LMTK3: variants seen among roughly 807,000 people sequenced by gnomAD.
The protein encoded by LMTK3 is lemur tail kinase 3.
Under a neutral mutation model 116.7 loss-of-function variants are expected in LMTK3, and 27 were observed. The observed-to-expected ratio is 0.23, with a 90% CI of 0.17 to 0.32. LMTK3 has a LOEUF of 0.32. LMTK3 is among the 10% of genes least tolerant of loss of function. The pLI is 1.00. For synonymous variants in LMTK3, 965 were observed against 971.0 expected, an observed-to-expected ratio of 0.99 and a Z score of 0.11; for missense variants, 1,764 against 2,068.5, an observed-to-expected ratio of 0.85 and a Z score of 2.86.
chr19:48,503,093 T>G (rs1972502276), intron 5 of LMTK3, 97 bp from the exon 6 acceptor site: 1 of 741,750 alleles, frequency 1.3e-6, no homozygotes, highest in East Asian at 2.7e-5. Context: ...TCCACCCTTT[T>G]TTGTTGTTTT....
chr19:48,491,551 G>A lies in LMTK3; in HGVS notation c.4093-12C>T, dbSNP rs770157241. ...TTGGTTGGCGTCTCCTGTGAAGGCA[G>A]ATTAGGGGGAAGCCAGAGGGGACAA... On this transcript the variant is annotated splice_polypyrimidine_tract_variant and intron_variant, in intron 12 of 14. Transcript: ENST00000600059. This position sits in a 1 kb window ranked among gnomAD's most constrained non-coding sequence, Gnocchi z 5.1. The A allele has an allele frequency of 7.3e-7, 1 of 1,362,496 alleles. No homozygotes were observed. Among genetic ancestry groups the A allele is most frequent in the Non-Finnish European group, 9.5e-7 (1 of 1,050,230 alleles). 84.4% of individuals were successfully genotyped at this position (1,362,496 alleles called of 1,614,324 possible).
chr19:48,490,340 A>G (rs1212117061), intron 14 of LMTK3, among the ~76,000 whole-genome samples: 1 of 152,038 alleles, frequency 6.6e-6, no homozygotes, highest in Non-Finnish European at 1.5e-5. Context: ...CCTGGCCAAC[A>G]TGGTGAAACC....
In LMTK3 at chr19:48,499,308, G is replaced by A. The variant is rs1408127136; in HGVS notation, c.1761C>T (p.Pro587=). The part of the protein sequence containing the change: ...PQLVSETWAS[P]LFPAPRPFPA... ...GGAAGGGCCGGGGCGCAGGGAAGAGGGGGGAGGCCCAGGTCTCGGACACCA... is the reference window on the plus strand; with the variant it reads ...GGAAGGGCCGGGGCGCAGGGAAGAGAGGGGAGGCCCAGGTCTCGGACACCA... The change falls in exon 11 of 15, where the codon CCC becomes CCT. Residue 587 remains proline (P), a synonymous_variant. Coordinates refer to ENST00000600059, the MANE Select transcript of LMTK3 (RefSeq NM_001388485.1). The A allele has an allele frequency of 7.0e-7, 1 of 1,418,720 alleles. No individual in the cohort carries two copies. Among genetic ancestry groups the A allele is most frequent in the Non-Finnish European group, 9.2e-7 (1 of 1,085,024 alleles). The allele number at this position is 1,418,720 out of a possible 1,614,324, so 87.9% of individuals were successfully genotyped here. A position where few individuals can be genotyped will look rare whatever the true frequency, so the allele number is the denominator to read the frequency against.
chr19:48,498,720 G>C lies in LMTK3; in HGVS notation c.2349C>G (p.Leu783=). 6.5e-7 allele frequency: 1 copy of C among 1,532,800 alleles called. No homozygotes were observed. The highest frequency in any genetic ancestry group is 8.7e-7 in the Non-Finnish European group (1 of 1,145,230). The allele number at this position is 1,532,800 out of a possible 1,614,324, so 94.9% of individuals were successfully genotyped here. A position where few individuals can be genotyped will look rare whatever the true frequency, so the allele number is the denominator to read the frequency against. The stretch of plus-strand genomic sequence containing the variant: ...CCCCCGGCTTGGGGCCCGGCGACGA[G>C]AGGCCTGAACCGGGACTGGCCACGG... ...PSAVASPGSG[L]SSPGPKPGDS... is the part of the protein sequence containing the mutation. Residue 783 remains leucine (L), a synonymous_variant, in exon 11 of 15, where the codon CTC becomes CTG. Coordinates refer to ENST00000600059, the MANE Select transcript of LMTK3 (RefSeq NM_001388485.1).
rs953208123 is a variant in LMTK3, at chr19:48,491,477, C to G, written c.4155G>C (p.Thr1385=). The stretch of plus-strand genomic sequence containing the variant: ...GGGGAGGTGTCGGGGGCGCTGGAGG[C>G]GTTGACGGGTCCGTGTCCCCCTCGG... The part of the protein sequence containing the change: ...APPEGDTDPS[T]PPAPPTPPHP... The change falls in exon 13 of 15, where the codon ACG becomes ACC. Residue 1385 remains threonine (T), a synonymous_variant. Transcript: ENST00000600059. This position sits in a 1 kb window ranked among gnomAD's most constrained non-coding sequence, Gnocchi z 5.1. The G allele has an allele frequency of 1.4e-6, 2 of 1,416,664 alleles. No homozygotes were observed. Among genetic ancestry groups the G allele is most frequent in the East Asian group, 2.9e-5 (1 of 34,662 alleles). 87.8% of individuals were successfully genotyped at this position (1,416,664 alleles called of 1,614,324 possible). A position where few individuals can be genotyped will look rare whatever the true frequency, so the allele number is the denominator to read the frequency against.
intron 5 of LMTK3, 43 bp downstream of exon 5, chr19:48,508,808 G>A (rs762296710): frequency 1.7e-5 from 25 of 1,436,550 alleles, no homozygotes; most frequent in Non-Finnish European, 2.3e-5. Context: ...ACTCCTGAAT[G>A]TCACCTCAAC....
chr19:48,499,556 C>T lies in LMTK3; in HGVS notation c.1513G>A (p.Ala505Thr). 1 of 1,485,618 alleles carries T rather than the reference C, an allele frequency of 6.7e-7. No individual in the cohort carries two copies. Among genetic ancestry groups the T allele is most frequent in the Non-Finnish European group, 9.0e-7 (1 of 1,114,414 alleles). The allele number at this position is 1,485,618 out of a possible 1,614,324, so 92.0% of individuals were successfully genotyped here. A position where few individuals can be genotyped will look rare whatever the true frequency, so the allele number is the denominator to read the frequency against. The change falls in exon 11 of 15, where the codon GCC becomes ACC. Residue 505 changes from alanine (A) to threonine (T), a missense_variant. Physicochemically the swap from Ala to Thr is moderately conservative, Grantham distance 58. This residue lies in a region of LMTK3 where 1,028 missense variants were observed against 1,050.6 expected (regional missense o/e 0.98). Coordinates refer to ENST00000600059, the MANE Select transcript of LMTK3 (RefSeq NM_001388485.1). ...PAWQPASAPP[A>T]PHANPSNPFY... Reference sequence around the variant, plus strand: ...GGGTTGGAGGGGTTGGCGTGGGGGGCCGGGGGGGCCGACGCCGGCTGCCAG... The same window carrying T: ...GGGTTGGAGGGGTTGGCGTGGGGGGTCGGGGGGGCCGACGCCGGCTGCCAG...
In LMTK3 at chr19:48,497,436, G is replaced by A; in HGVS notation, c.3633C>T (p.Phe1211=). ...ERKGPEMPRL[F]LDLGPPQGNS... ...TCCCCTGAGGGGGTCCCAAGTCCAA[G>A]AATAGTCGTGGCATCTCGGGGCCCT... The change falls in exon 11 of 15, where the codon TTC becomes TTT. Residue 1211 remains phenylalanine, a synonymous_variant. Coordinates refer to ENST00000600059, the MANE Select transcript of LMTK3 (RefSeq NM_001388485.1). This position sits in a 1 kb window ranked among gnomAD's most constrained non-coding sequence, Gnocchi z 5.7. The A allele has an allele frequency of 6.5e-7, 1 of 1,538,238 alleles. No homozygotes were observed. The highest frequency in any genetic ancestry group is 8.7e-7 in the Non-Finnish European group (1 of 1,145,990).
chr19:48,504,976 C>A (rs914271399), intron 5 of LMTK3, among the ~76,000 whole-genome samples: 1 of 152,098 alleles, frequency 6.6e-6, no homozygotes, highest in African/African-American at 2.4e-5. Context: ...GCATGGCTGA[C>A]TTCTCCAAGT....
Position 48,491,017 on chromosome 19 carries a change from G to T in LMTK3, c.4366+91C>A. 1.2e-6 allele frequency: 1 copy of T among 807,820 alleles called. No homozygotes were observed. The highest frequency in any genetic ancestry group is 3.4e-5 in the East Asian group (1 of 29,736). The allele number at this position is 807,820 out of a possible 1,614,324, so 50.0% of individuals were successfully genotyped here. Reference sequence around the variant, plus strand: ...AGAAGAGACTGGGAAGAGAGAGGCAGGGACATTGAAAGATGGTCACAAGAA... The same window carrying T: ...AGAAGAGACTGGGAAGAGAGAGGCATGGACATTGAAAGATGGTCACAAGAA... On this transcript the variant is annotated intron_variant, in intron 14 of 14. Transcript: ENST00000600059. The surrounding 1 kb of genome is among the most constrained non-coding windows in gnomAD (Gnocchi z 5.1).
Position 48,497,783 on chromosome 19 carries a change from C to A in LMTK3, c.3286G>T (p.Gly1096Trp), listed in dbSNP as rs1329849245. The A allele has an allele frequency of 8.0e-6, 11 of 1,368,204 alleles. No homozygotes were observed. The highest frequency in any genetic ancestry group is 3.6e-5 in the South Asian group (2 of 55,678). 84.8% of individuals were successfully genotyped at this position (1,368,204 alleles called of 1,614,324 possible). A position where few individuals can be genotyped will look rare whatever the true frequency, so the allele number is the denominator to read the frequency against. The change falls in exon 11 of 15, where the codon GGG (glycine) becomes TGG (tryptophan). Residue 1096 changes from glycine to tryptophan, a missense_variant. Gly to Trp is a radical substitution (Grantham distance 184, BLOSUM62 -2). Coordinates refer to ENST00000600059, the MANE Select transcript of LMTK3 (RefSeq NM_001388485.1). The surrounding 1 kb of genome is among the most constrained non-coding windows in gnomAD (Gnocchi z 5.7). ...GCCCCTGGGGCTCTCGGCGCCCCCC[C>A]AGTCTCGGGGGCTCTCCTCTCGGTC... ...PGTERRAPET[G>W]GAPRAPGAGR...
chr19:48,493,267 T>TTC, intron 12 of LMTK3, among the ~76,000 whole-genome samples: 1 of 129,120 alleles, frequency 7.7e-6, no homozygotes, highest in East Asian at 2.5e-4. Context: ...AGCCTTCGTC[T>TTC]AGGCCCCGCC....
chr19:48,510,657 T>A (rs1247656939), intron 1 of LMTK3, 65 bp from the exon 2 acceptor site: 2 of 1,468,272 alleles, frequency 1.4e-6, no homozygotes, highest in Non-Finnish European at 1.8e-6. Flanking sequence ...TCATGCCCCC[T>A]CCCGTCCCGG....
upstream of LMTK3, chr19:48,513,643 C>G (rs1972695952): frequency 5.4e-6 from 1 of 185,946 alleles, no homozygotes; most frequent in Admixed American, 5.6e-5. The surrounding 1 kb of genome is among the most constrained non-coding windows in gnomAD (Gnocchi z 5.6). Flanking sequence ...GAGCTGCGCA[C>G]CCAAGACGCA....
At chr19:48,511,452 G>T in intron 1 of LMTK3, 49 bp downstream of exon 1, 2 of 834,306 alleles carry the variant, frequency 2.4e-6, no homozygotes, top group Non-Finnish European at 3.4e-6. Context: ...CAGCGAGGCC[G>T]CCGCGGGGGT....
In LMTK3 at chr19:48,511,419, C is replaced by G. The variant is rs990556999; in HGVS notation, c.76+82G>C. On this transcript the variant is annotated intron_variant, in intron 1 of 14. Transcript: ENST00000600059. ...CGCGCACCAGGTGACGGGGCAGGACCCGCAGACAGACCCCTGGGCAGACAG... is the reference window on the plus strand; with the variant it reads ...CGCGCACCAGGTGACGGGGCAGGACGCGCAGACAGACCCCTGGGCAGACAG... 9.3e-4 allele frequency: 509 copies of G among 549,600 alleles called. 5 individuals carry two copies. Among genetic ancestry groups the G allele is most frequent in the Middle Eastern group, 1.6e-3 (3 of 1,894 alleles). 34.0% of individuals were successfully genotyped at this position (549,600 alleles called of 1,614,324 possible).
Position 48,508,946 on chromosome 19 carries a change from G to A in LMTK3, c.462C>T (p.Ser154=), listed in dbSNP as rs372816721. The A allele has an allele frequency of 9.9e-6, 16 of 1,610,430 alleles. No homozygotes were observed. Among genetic ancestry groups the A allele is most frequent in the Admixed American group, 1.7e-5 (1 of 59,608 alleles). The change falls in exon 5 of 15, where the codon TCC becomes TCT. Residue 154 remains serine (S), a synonymous_variant. Transcript: ENST00000600059. The stretch of plus-strand genomic sequence containing the variant: ...CCACCACCTGGGCGGGGGTGTAGTC[G>A]GAGAAAATCTCTCCCAGGATCACCT... ...FGKVILGEIF[S]DYTPAQVVVK...
Position 48,485,474 on chromosome 19 carries a change from C to T in LMTK3, c.*299G>A, listed in dbSNP as rs574996889. On this transcript the variant is annotated 3_prime_UTR_variant, in exon 15 of 15. Coordinates refer to ENST00000600059, the MANE Select transcript of LMTK3 (RefSeq NM_001388485.1). ...CTCCGCTGTGTCGAGGGGCTCCAGGCCCAAAAGAGTTCAGTTCAGTTCCGA... is the reference window on the plus strand; with the variant it reads ...CTCCGCTGTGTCGAGGGGCTCCAGGTCCAAAAGAGTTCAGTTCAGTTCCGA... The T allele has an allele frequency of 3.5e-4, 146 of 412,050 alleles. 2 individuals carry two copies. The highest frequency in any genetic ancestry group is 3.3e-3 in the South Asian group (135 of 40,634). The allele number at this position is 412,050 out of a possible 1,614,324, so 25.5% of individuals were successfully genotyped here. A position where few individuals can be genotyped will look rare whatever the true frequency, so the allele number is the denominator to read the frequency against.
intron 14 of LMTK3, among the ~76,000 whole-genome samples, chr19:48,488,477 T>A (rs1972163105): frequency 2.0e-5 from 3 of 151,946 alleles, no homozygotes. Context: ...TTCCCTCCCT[T>A]GCTTATAGTC....
Sources: allele counts gnomAD v4.1 joint callset (sites outside exome capture counted in the v4.1 genomes callset), GRCh38; gene constraint gnomAD v4.1.1; regional missense constraint gnomAD v4.1.1; non-coding constraint Gnocchi (gnomAD v3.1); transcripts MANE v1.5; gene names NCBI Gene and HGNC (gene_info 2026-07-23, HGNC 2026-07-21).